LDAH: variants seen among roughly 807,000 people sequenced by gnomAD.
LDAH encodes lipid droplet associated hydrolase, also known as lipid droplet-associated hydrolase.
Under a neutral mutation model 29.6 loss-of-function variants are expected in LDAH, and 26 were observed. The ratio of observed to expected loss-of-function variants is 0.88; its 90% CI spans 0.64 to 1.22. The LOEUF is 1.22. Among genes scored for constraint, LDAH ranks in the 50% most tolerant of loss-of-function variants. The pLI is 0.00. For missense variants in LDAH, 344 were observed against 387.3 expected, an observed-to-expected ratio of 0.89 and a Z score of 0.94; for synonymous variants, 117 against 133.0, an observed-to-expected ratio of 0.88 and a Z score of 0.83.
intron 5 of LDAH, among the ~76,000 whole-genome samples, chr2:20,713,113 GA>G (rs1263884001): frequency 2.6e-5 from 4 of 152,086 alleles, no homozygotes; most frequent in Non-Finnish European, 4.4e-5. Context: ...TGAAATGAAG[GA>G]AAAAATGTTA....
intron 5 of LDAH, among the ~76,000 whole-genome samples, chr2:20,717,291 T>A (rs538622739): frequency 6.6e-6 from 1 of 152,248 alleles, no homozygotes; most frequent in East Asian, 1.9e-4. Flanking sequence ...AAGACCATAT[T>A]AAGAGACTAA....
chr2:20,760,655 G>T (rs1029328739), intron 4 of LDAH, among the ~76,000 whole-genome samples: 2 of 152,178 alleles, frequency 1.3e-5, no homozygotes, highest in Non-Finnish European at 2.9e-5. Context: ...AGCTTCTAGT[G>T]GCCCCTTGCA....
rs1212962192 is a variant in LDAH at position 20,713,296 on chromosome 2, G to A, written c.704-11644C>T. 6.6e-5 allele frequency among the ~76,000 whole-genome samples: 10 copies of A among 152,094 alleles called. No individual in the cohort carries two copies. The East Asian group carries it at 9.6e-4, about 15-fold the overall frequency. On this transcript the variant is annotated intron_variant, in intron 5 of 6. Coordinates refer to ENST00000237822, the MANE Select transcript of LDAH (RefSeq NM_021925.4). ...TTCATATACAGCCAAACTAAGCTTC[G>A]TAAATGAAGGAGAAATAAAATCCTT...
intron 5 of LDAH, among the ~76,000 whole-genome samples, chr2:20,727,254 C>T (rs571193796): frequency 1.2e-4 from 19 of 152,216 alleles, no homozygotes; most frequent in African/African-American, 4.3e-4. Flanking sequence ...GTTTTATAAA[C>T]ATATTTTCAT....
intron 4 of LDAH, among the ~76,000 whole-genome samples, chr2:20,761,010 T>A (rs961699936): frequency 6.6e-6 from 1 of 152,194 alleles, no homozygotes; most frequent in African/African-American, 2.4e-5. Context: ...GCTATCCAAT[T>A]TAAGAAATCT....
intron 5 of LDAH, among the ~76,000 whole-genome samples, chr2:20,705,752 A>G (rs964809490): frequency 4.6e-5 from 7 of 152,254 alleles, no homozygotes; most frequent in African/African-American, 1.4e-4. Context: ...AAATTATATG[A>G]GTAGAAGAAA....
intron 3 of LDAH, among the ~76,000 whole-genome samples, chr2:20,789,545 T>C (rs951330162): frequency 6.6e-6 from 1 of 152,208 alleles, no homozygotes; most frequent in East Asian, 1.9e-4. Flanking sequence ...TGTTTTCTCC[T>C]TTGTTTACCC....
intron 5 of LDAH, among the ~76,000 whole-genome samples, chr2:20,710,974 G>A (rs1418597087): frequency 6.6e-6 from 1 of 151,896 alleles, no homozygotes; most frequent in African/African-American, 2.4e-5. Flanking sequence ...ATTCACATGT[G>A]CCCTTTAAAA....
Position 20,821,443 on chromosome 2 carries a change from A to G in LDAH, c.-3+1594T>C, listed in dbSNP as rs1340292075. Among the ~76,000 whole-genome samples the G allele has an allele frequency of 2.6e-5, 4 of 152,348 alleles. No homozygotes were observed. In the South Asian group the frequency reaches 8.3e-4, roughly 32 times the overall value. On this transcript the variant is annotated intron_variant, in intron 1 of 6. Coordinates refer to ENST00000237822, the MANE Select transcript of LDAH (RefSeq NM_021925.4). ...ATGGGATACTATGCAGCCATAAAAA[A>G]GAATGAGTTCATGTCCTTTGTAGGG... is the stretch of plus-strand genomic sequence containing the variant.
intron 5 of LDAH, among the ~76,000 whole-genome samples, chr2:20,716,582 TG>T (rs1415246100): frequency 1.3e-4 from 5 of 39,208 alleles, no homozygotes; most frequent in Admixed American, 9.0e-4. Context: ...TGTCGTGGGG[TG>T]GGGGGTTGGG....
chr2:20,789,876 C>T (rs1670825846), intron 3 of LDAH, among the ~76,000 whole-genome samples: 3 of 152,116 alleles, frequency 2.0e-5, no homozygotes, highest in Admixed American at 2.0e-4. Flanking sequence ...AACCATCCAC[C>T]CCTCCCCAGT....
chr2:20,759,278 C>T (rs1558450219), intron 4 of LDAH, among the ~76,000 whole-genome samples: 1 of 152,162 alleles, frequency 6.6e-6, no homozygotes, highest in Non-Finnish European at 1.5e-5. Flanking sequence ...GAGAGGTTTG[C>T]AGTATGACGC....
chr2:20,696,506 T>C (rs1257935701), intron 6 of LDAH, among the ~76,000 whole-genome samples: 1 of 152,196 alleles, frequency 6.6e-6, no homozygotes, highest in Non-Finnish European at 1.5e-5. Context: ...CAATTTCAGA[T>C]TCCTACTTAC....
chr2:20,802,354 C>T (rs540341176), intron 1 of LDAH, among the ~76,000 whole-genome samples: 59 of 152,270 alleles, frequency 3.9e-4, no homozygotes, highest in African/African-American at 1.3e-3. Flanking sequence ...GCCATCACAT[C>T]CAGCCCCAAT....
intron 4 of LDAH, among the ~76,000 whole-genome samples, chr2:20,763,113 T>C (rs1215065834): frequency 1.3e-5 from 2 of 152,208 alleles, no homozygotes; most frequent in Non-Finnish European, 2.9e-5. Flanking sequence ...AAATACATCT[T>C]GGTAGTGCTG....
rs1255671937 is a variant in LDAH at position 20,686,942 on chromosome 2, C to A, written c.939G>T (p.Met313Ile). 6.2e-7 allele frequency: 1 copy of A among 1,614,024 alleles called. No homozygotes were observed. The highest frequency in any genetic ancestry group is 1.7e-5 in the Admixed American group (1 of 60,008). Residue 313 changes from methionine to isoleucine, a missense_variant, in exon 7 of 7, where the codon ATG becomes ATT. By Grantham distance (10) the Met-to-Ile change is conservative. Transcript: ENST00000237822. ...AGTCATCCTTTAGGGAGTCAGCAAT[C>A]ATGTCTGCCATTTCCTGGTTAAAAT... Reference protein sequence around the residue: ...ITHFNQEMADMIADSLKDDLS... With the variant: ...ITHFNQEMADIIADSLKDDLS...
chr2:20,818,847 GA>G (rs1461719272), intron 1 of LDAH, among the ~76,000 whole-genome samples: 23 of 152,130 alleles, frequency 1.5e-4, no homozygotes, highest in African/African-American at 5.5e-4. Context: ...AAGTGGTAAT[GA>G]GTGTATGTTA....
At chr2:20,771,424 A>G (rs2125003992) in intron 4 of LDAH, among the ~76,000 whole-genome samples, 2 of 152,368 alleles carry the variant, frequency 1.3e-5, no homozygotes, top group South Asian at 4.1e-4. Flanking sequence ...ATAAAACATA[A>G]TAGCTAACTT....
At chr2:20,718,388 T>G (rs941844770) in intron 5 of LDAH, among the ~76,000 whole-genome samples, 3 of 152,038 alleles carry the variant, frequency 2.0e-5, no homozygotes, top group Non-Finnish European at 2.9e-5. Flanking sequence ...TAAAATAGAC[T>G]TTAAGTCAAA....
Sources: gnomAD v4.1 joint callset for allele counts (sites outside exome capture counted in the v4.1 genomes callset) on GRCh38, gnomAD v4.1.1 for gene constraint, MANE v1.5 for transcripts, NCBI Gene and HGNC (gene_info 2026-07-23, HGNC 2026-07-21) for gene names.